The following PRR35 variants were observed in gnomAD, a reference collection of about 807,000 sequenced individuals.
PRR35 encodes the protein proline-rich protein 35.
A neutral mutation model predicts 18.6 loss-of-function variants in PRR35; 14 were observed. The ratio of observed to expected loss-of-function variants is 0.75; its 90% CI spans 0.50 to 1.18. The LOEUF (loss-of-function observed/expected upper bound fraction) is 1.18, where lower values mean the gene tolerates loss of function less well. Ranked by LOEUF, PRR35 falls within the 50% of genes most tolerant of loss-of-function variation. PRR35 has a pLI of 0.00. For missense variants in PRR35, 832 were observed against 792.2 expected, an observed-to-expected ratio of 1.05 and a Z score of -0.60; for synonymous variants, 425 against 378.2, an observed-to-expected ratio of 1.12 and a Z score of -1.43.
rs904606284 is a variant in PRR35 at position 565,428 on chromosome 16, C to T, written c.*121C>T. 2.7e-5 allele frequency: 29 copies of T among 1,084,032 alleles called. No individual in the cohort carries two copies. The highest frequency in any genetic ancestry group is 3.1e-4 in the Middle Eastern group (1 of 3,228). The allele number at this position is 1,084,032 out of a possible 1,614,324, so 67.2% of individuals were successfully genotyped here. A position where few individuals can be genotyped will look rare whatever the true frequency, so the allele number is the denominator to read the frequency against. ...CCGCATGCATGTGGATAGACCCCCA[C>T]GGGCCGTGGCCAACGCTTGTCCCTG... On this transcript the variant is annotated 3_prime_UTR_variant, in exon 3 of 3. Coordinates refer to ENST00000409413, the MANE Select transcript of PRR35 (RefSeq NM_145270.3).
At chr16:559,835 G>T (rs975843416), upstream of PRR35, 1 of 839,348 alleles carries the variant, frequency 1.2e-6, no homozygotes, top group Non-Finnish European at 1.4e-6. Context: ...TAGAGGAAAA[G>T]AGAACGGAGG....
At chr16:562,420 G>A (rs1056868209) in intron 1 of PRR35, among the ~76,000 whole-genome samples, 8 of 150,500 alleles carry the variant, frequency 5.3e-5, no homozygotes, top group African/African-American at 1.0e-4. Flanking sequence ...AGACACACAC[G>A]CATACACACG....
chr16:560,796 A>G (rs189801354), intron 1 of PRR35, 135 bp downstream of exon 1: 17,898 of 809,252 alleles, frequency 0.022, 494 homozygotes, highest in African/African-American at 0.12. Context: ...CCTCTTCTCG[A>G]AGTCCAGGAG....
chr16:559,820 C>T (rs1297976437), upstream of PRR35: 2 of 918,952 alleles, frequency 2.2e-6, no homozygotes, highest in Admixed American at 6.2e-5. Flanking sequence ...GGGCAGCCTC[C>T]GGTTTAGAGG....
intron 1 of PRR35, 121 bp downstream of exon 1, chr16:560,782 CCA>C: frequency 1.2e-6 from 1 of 853,282 alleles, no homozygotes; most frequent in Non-Finnish European, 1.4e-6. Flanking sequence ...CGGGTCCCCC[CCA>C]CCCTCTTCTC....
At chr16:561,879 C>G (rs1441460487) in intron 1 of PRR35, 2 of 618,846 alleles carry the variant, frequency 3.2e-6, no homozygotes, top group African/African-American at 2.0e-5. Flanking sequence ...AAAGCCCCCC[C>G]ACACCTGGAT....
rs764771190 is a variant in PRR35, at chr16:564,767, G to T, written c.1176G>T (p.Gln392His). The T allele has an allele frequency of 1.4e-5, 21 of 1,540,876 alleles. No individual in the cohort carries two copies. In the South Asian group the frequency reaches 2.5e-4, roughly 18 times the overall value. Residue 392 changes from glutamine (Q) to histidine (H), a missense_variant, in exon 3 of 3, where the codon CAG becomes CAT. This residue lies in a region of PRR35 where 768 missense variants were observed against 704.1 expected (regional missense o/e 1.09). Coordinates refer to ENST00000409413, the MANE Select transcript of PRR35 (RefSeq NM_145270.3). ...TPGPEGPLPL[Q>H]PRGPVPGSPE... ...GCCCTGAGGGCCCCCTCCCCCTGCA[G>T]CCACGGGGCCCAGTGCCAGGAAGCC...
rs764297912 is a variant in PRR35 at position 564,208 on chromosome 16, C to T, written c.914C>T (p.Pro305Leu). 6.9e-5 allele frequency: 108 copies of T among 1,569,212 alleles called. No homozygotes were observed. Among genetic ancestry groups the T allele is most frequent in the Non-Finnish European group, 8.5e-5 (99 of 1,163,692 alleles). Residue 305 changes from proline to leucine, a missense_variant, in exon 2 of 3, where the codon CCA (proline) becomes CTA (leucine). This residue lies in a region of PRR35 where 768 missense variants were observed against 704.1 expected (regional missense o/e 1.09). Transcript: ENST00000409413. The stretch of plus-strand genomic sequence containing the variant: ...CCGGCTCCTGGCCTGCTGAAGGTGC[C>T]AGTTCCAGGGCTGGGGCCCTGGCCC... Reference protein sequence around the residue: ...GTPAPGLLKVPVPGLGPWPRV... With the variant: ...GTPAPGLLKVLVPGLGPWPRV...
In PRR35 at chr16:560,448, G is replaced by A. The variant is rs1287792170; in HGVS notation, c.-253G>A. The A allele has an allele frequency of 1.0e-6, 1 of 982,794 alleles. No individual in the cohort carries two copies. The highest frequency in any genetic ancestry group is 1.2e-6 in the Non-Finnish European group (1 of 829,022). The allele number at this position is 982,794 out of a possible 1,614,324, so 60.9% of individuals were successfully genotyped here. On this transcript the variant is annotated 5_prime_UTR_variant, in exon 1 of 3. Transcript: ENST00000409413. ...GGACGCGGGCGGCGGCGGAGGCTGC[G>A]GGAGTCGCTGCCGCTCGAGGGACCG...
Position 564,260 on chromosome 16 carries a change from G to A in PRR35, c.966G>A (p.Gln322=), listed in dbSNP as rs370719909. The A allele has an allele frequency of 2.2e-5, 35 of 1,578,866 alleles. No individual in the cohort carries two copies. Among genetic ancestry groups the A allele is most frequent in the Non-Finnish European group, 3.0e-5 (35 of 1,167,444 alleles). ...WPRVTPRDPG[Q]EGELERAAQS... Reference sequence around the variant, plus strand: ...GAGTCACCCCCAGGGACCCAGGGCAGGAGGGGGAGCTGGAGCGGGCAGCCC... The same window carrying A: ...GAGTCACCCCCAGGGACCCAGGGCAAGAGGGGGAGCTGGAGCGGGCAGCCC... The change falls in exon 2 of 3, where the codon CAG becomes CAA. Residue 322 remains glutamine, a synonymous_variant. Coordinates refer to ENST00000409413, the MANE Select transcript of PRR35 (RefSeq NM_145270.3).
In PRR35 at chr16:564,308, G is replaced by A; in HGVS notation, c.1014G>A (p.Leu338=). 1.3e-6 allele frequency: 2 copies of A among 1,580,082 alleles called. No individual in the cohort carries two copies. Among genetic ancestry groups the A allele is most frequent in the Non-Finnish European group, 1.7e-6 (2 of 1,168,020 alleles). Residue 338 remains leucine, a synonymous_variant, in exon 2 of 3, where the codon CTG becomes CTA. Coordinates refer to ENST00000409413, the MANE Select transcript of PRR35 (RefSeq NM_145270.3). ...CCCAGAGTGACCCCAGGAGGAGGCTGTCCCTGGGAAGCAGGCTGGAGCTTC... is the reference window on the plus strand; with the variant it reads ...CCCAGAGTGACCCCAGGAGGAGGCTATCCCTGGGAAGCAGGCTGGAGCTTC... The part of the protein sequence containing the change: ...RAAQSDPRRR[L]SLGSRLELPK...
In PRR35 at chr16:565,500, T is replaced by C. The variant is rs2035524684; in HGVS notation, c.*193T>C. 5.6e-6 allele frequency: 3 copies of C among 535,522 alleles called. No homozygotes were observed. The highest frequency in any genetic ancestry group is 4.1e-5 in the Admixed American group (1 of 24,576). The allele number at this position is 535,522 out of a possible 1,614,324, so 33.2% of individuals were successfully genotyped here. Reference sequence around the variant, plus strand: ...GGTCACAGTTATTTATTGATCACAATTGTGGACATTAAAACAGAAACTGTT... The same window carrying C: ...GGTCACAGTTATTTATTGATCACAACTGTGGACATTAAAACAGAAACTGTT... On this transcript the variant is annotated 3_prime_UTR_variant, in exon 3 of 3. Transcript: ENST00000409413.
chr16:559,909 C>T (rs2035406343), upstream of PRR35, among the ~76,000 whole-genome samples: 1 of 151,680 alleles, frequency 6.6e-6, no homozygotes, highest in African/African-American at 2.4e-5. Context: ...CCGCGGCACC[C>T]CTGTCCCCCA....
intron 1 of PRR35, among the ~76,000 whole-genome samples, chr16:561,500 C>G (rs549049936): frequency 1.3e-5 from 2 of 152,278 alleles, no homozygotes; most frequent in South Asian, 4.1e-4. Context: ...ACCACCCAGT[C>G]CAGGCCGGGT....
rs757950481 is a variant in PRR35 at position 563,585 on chromosome 16, C to G, written c.291C>G (p.Asp97Glu). The change falls in exon 2 of 3, where the codon GAC becomes GAG. Residue 97 changes from aspartate to glutamate, a missense_variant. Coordinates refer to ENST00000409413, the MANE Select transcript of PRR35 (RefSeq NM_145270.3). ...CCCCAGACCGCCCTGGGGAGTCCGACCCCGGCAGGCAACCCCAGGGAGCAC... is the reference window on the plus strand; with the variant it reads ...CCCCAGACCGCCCTGGGGAGTCCGAGCCCGGCAGGCAACCCCAGGGAGCAC... ...APTPDRPGES[D>E]PGRQPQGARP... The G allele has an allele frequency of 1.3e-6, 2 of 1,599,516 alleles. No homozygotes were observed. The highest frequency in any genetic ancestry group is 2.7e-5 in the African/African-American group (2 of 74,626).
chr16:560,869 G>A (rs2035421944), intron 1 of PRR35, among the ~76,000 whole-genome samples: 1 of 151,736 alleles, frequency 6.6e-6, no homozygotes, highest in African/African-American at 2.4e-5. Context: ...GCCGGGTCTG[G>A]GGTCTGGGGC....
At chr16:563,139 C>G (rs1429775919) in intron 1 of PRR35, 117 bp from the exon 2 acceptor site, 1 of 1,020,168 alleles carries the variant, frequency 9.8e-7, no homozygotes, top group Admixed American at 3.3e-5. Context: ...AGGGCAGAGG[C>G]GGCGGGGTGG....
Position 564,130 on chromosome 16 carries a change from G to T in PRR35, c.836G>T (p.Gly279Val). 2 of 1,575,900 alleles carry T rather than the reference G, an allele frequency of 1.3e-6. No individual in the cohort carries two copies. The highest frequency in any genetic ancestry group is 8.6e-7 in the Non-Finnish European group (1 of 1,168,928). The change falls in exon 2 of 3, where the codon GGC becomes GTC. Residue 279 changes from glycine (G) to valine (V), a missense_variant. Gly to Val is a moderately radical substitution (Grantham distance 109). Coordinates refer to ENST00000409413, the MANE Select transcript of PRR35 (RefSeq NM_145270.3). Reference sequence around the variant, plus strand: ...GAGCACACTCTGGGGCTGCCAGCAGGCAAAGCTGCCCTTGCCAAGGCCCCT... The same window carrying T: ...GAGCACACTCTGGGGCTGCCAGCAGTCAAAGCTGCCCTTGCCAAGGCCCCT... ...LLEHTLGLPA[G>V]KAALAKAPVS...
At position 563,869 on chromosome 16, in the gene PRR35, C is replaced by A; in HGVS notation, c.575C>A (p.Pro192Gln). ...GAGGGCAGCGTCCCCTGCTATCCCC[C>A]GCCTGCCCCAGGGGAGTTCCCTGAG... ...GPEGSVPCYP[P>Q]PAPGEFPEAH... Residue 192 changes from proline to glutamine, a missense_variant, in exon 2 of 3, where the codon CCG becomes CAG. By Grantham distance (76) the Pro-to-Gln change is moderately conservative. Transcript: ENST00000409413. 6.4e-7 allele frequency: 1 copy of A among 1,557,070 alleles called. No individual in the cohort carries two copies. Among genetic ancestry groups the A allele is most frequent in the East Asian group, 2.4e-5 (1 of 41,792 alleles).
Sources: allele counts gnomAD v4.1 joint callset (sites outside exome capture counted in the v4.1 genomes callset), GRCh38; gene constraint gnomAD v4.1.1; regional missense constraint gnomAD v4.1.1; transcripts MANE v1.5; gene names NCBI Gene and HGNC (gene_info 2026-07-23, HGNC 2026-07-21).